B3GLCT: variants seen among roughly 807,000 people sequenced by gnomAD.
B3GLCT encodes beta 3-glucosyltransferase, also known as beta-1,3-glucosyltransferase.
A neutral mutation model predicts 63.4 loss-of-function variants in B3GLCT; 65 were observed. The ratio of observed to expected loss-of-function variants is 1.03; its 90% CI spans 0.84 to 1.26. The LOEUF (loss-of-function observed/expected upper bound fraction) is 1.26, where lower values mean the gene tolerates loss of function less well. Among genes scored for constraint, B3GLCT ranks in the 50% most tolerant of loss-of-function variants. The pLI, the probability that B3GLCT is intolerant of heterozygous loss-of-function variation, is 0.00. For synonymous variants in B3GLCT, 233 were observed against 219.2 expected (o/e 1.06, Z -0.55); for missense variants, 577 against 604.8 (o/e 0.95, Z 0.48).
intron 10 of B3GLCT, among the ~76,000 whole-genome samples, chr13:31,277,849 T>G (rs1417822648): frequency 1.3e-5 from 2 of 152,186 alleles, no homozygotes; most frequent in African/African-American, 4.8e-5. Flanking sequence ...CAAATCCTAT[T>G]AAATCAGTCT....
intron 1 of B3GLCT, among the ~76,000 whole-genome samples, chr13:31,204,359 C>T (rs1217381071): frequency 2.0e-5 from 3 of 152,178 alleles, no homozygotes; most frequent in Admixed American, 6.5e-5. Context: ...ACCCCACCAT[C>T]GAACAATTAA....
intron 8 of B3GLCT, among the ~76,000 whole-genome samples, chr13:31,272,377 G>A (rs752112440): frequency 3.3e-5 from 5 of 151,858 alleles, no homozygotes; most frequent in Non-Finnish European, 5.9e-5. Flanking sequence ...ACCATGCCCG[G>A]CTAATTTTTT....
At chr13:31,216,229 C>T (rs560542706) in intron 2 of B3GLCT, among the ~76,000 whole-genome samples, 21 of 152,224 alleles carry the variant, frequency 1.4e-4, no homozygotes, top group African/African-American at 3.9e-4. Flanking sequence ...TAATTTCTTA[C>T]GATTTTAGGA....
At chr13:31,320,978 A>G (rs750198424) in intron 13 of B3GLCT, among the ~76,000 whole-genome samples, 9 of 152,212 alleles carry the variant, frequency 5.9e-5, no homozygotes, top group African/African-American at 2.2e-4. Flanking sequence ...ATGTACTTTC[A>G]TAGCATATTA....
At position 31,264,319 on chromosome 13, in the gene B3GLCT, C is replaced by T. The variant is rs74591963; in HGVS notation, c.596+3237C>T. 5.7e-3 allele frequency among the ~76,000 whole-genome samples: 867 copies of T among 152,178 alleles called. 11 individuals are homozygous for T. Among genetic ancestry groups the T allele is most frequent in the African/African-American group, 0.02 (831 of 41,494 alleles). The stretch of plus-strand genomic sequence containing the variant: ...GCTCAGGAAATTCCCAGCACTTCCC[C>T]GTGACTCCAGTATGATAGAGGAGTG... On this transcript the variant is annotated intron_variant, in intron 7 of 14. Transcript: ENST00000343307.
At position 31,240,462 on chromosome 13, in the gene B3GLCT, C is replaced by T. The variant is rs536717320; in HGVS notation, c.271-6561C>T. Among the ~76,000 whole-genome samples, 20 of 118,342 alleles carry T rather than the reference C, an allele frequency of 1.7e-4. No individual in the cohort carries two copies. The East Asian group carries it at 4.1e-3, about 24-fold the overall frequency. The allele number at this position is 118,342 out of a possible 152,430, so 77.6% of individuals were successfully genotyped here. A position where few individuals can be genotyped will look rare whatever the true frequency, so the allele number is the denominator to read the frequency against. ...CTTGAAAAGAGTTAGGCCCTTGCCT[C>T]TTTAGTTTTTTTTTTCTTTTTTTTT... On this transcript the variant is annotated intron_variant, in intron 4 of 14. Coordinates refer to ENST00000343307, the MANE Select transcript of B3GLCT (RefSeq NM_194318.4).
At chr13:31,214,909 G>C in intron 1 of B3GLCT, 142 bp from the exon 2 acceptor site, 2 of 732,756 alleles carry the variant, frequency 2.7e-6, no homozygotes. Context: ...ATACAAGTTT[G>C]CAGCAATGCA....
At chr13:31,241,846 G>C (rs910910944) in intron 4 of B3GLCT, among the ~76,000 whole-genome samples, 4 of 152,274 alleles carry the variant, frequency 2.6e-5, no homozygotes, top group East Asian at 3.9e-4. Flanking sequence ...CAGCTAAGAT[G>C]ATGAGTTCAT....
At chr13:31,244,227 C>T (rs1219418871) in intron 4 of B3GLCT, among the ~76,000 whole-genome samples, 1 of 152,172 alleles carries the variant, frequency 6.6e-6, no homozygotes, top group Non-Finnish European at 1.5e-5. Context: ...CACGGTGGCT[C>T]ATGCCTGTAA....
chr13:31,282,068 CTAT>C lies in B3GLCT; in HGVS notation c.851-2573_851-2571del, dbSNP rs1488804470. Among the ~76,000 whole-genome samples the C allele has an allele frequency of 3.3e-5, 5 of 152,198 alleles. No homozygotes were observed. The Middle Eastern group carries it at 0.01, about 311-fold the overall frequency. On this transcript the variant is annotated intron_variant, in intron 10 of 14. Transcript: ENST00000343307. ...CAAACTTTCTTGAAAGAGGCATTCA[CTAT>C]TATTATAGGAAGTATACTTCTTTAT...
intron 12 of B3GLCT, among the ~76,000 whole-genome samples, chr13:31,315,662 A>G (rs1874960933): frequency 6.6e-6 from 1 of 152,264 alleles, no homozygotes; most frequent in African/African-American, 2.4e-5. Flanking sequence ...TTCTGGGGAG[A>G]AATTCAAGCC....
At chr13:31,306,463 A>AT (rs1874400329) in intron 12 of B3GLCT, among the ~76,000 whole-genome samples, 1 of 98,068 alleles carries the variant, frequency 1.0e-5, no homozygotes, top group Non-Finnish European at 2.0e-5. Context: ...CCTTAAGCTG[A>AT]TAAGCAACTT....
At chr13:31,225,775 G>A (rs964193294) in intron 3 of B3GLCT, among the ~76,000 whole-genome samples, 1 of 151,974 alleles carries the variant, frequency 6.6e-6, no homozygotes, top group East Asian at 1.9e-4. Flanking sequence ...CCCCATCTTC[G>A]GGACAGTGTC....
intron 8 of B3GLCT, 52 bp from the exon 9 acceptor site, chr13:31,274,457 A>G: frequency 6.2e-7 from 1 of 1,612,764 alleles, no homozygotes; most frequent in Non-Finnish European, 8.5e-7. Flanking sequence ...CCCTTCTTAT[A>G]CTTGTGTTGA....
chr13:31,246,951 C>CTTTTTTTTTTTTTTTTTCT (rs66466340), intron 4 of B3GLCT, 72 bp from the exon 5 acceptor site: 8 of 779,668 alleles, frequency 1.0e-5, no homozygotes, highest in African/African-American at 3.9e-5. Context: ...CTTTTCTTTT[C>CTTTTTTTTTTTTTTTTTCT]TTTTTTTTTT....
rs182707469 is a variant in B3GLCT at position 31,284,291 on chromosome 13, G to A, written c.851-357G>A. Among the ~76,000 whole-genome samples the A allele has an allele frequency of 3.3e-5, 5 of 152,232 alleles. No homozygotes were observed. In the East Asian group the frequency reaches 7.7e-4, roughly 24 times the overall value. On this transcript the variant is annotated intron_variant, in intron 10 of 14. Transcript: ENST00000343307. ...TTGCAAAGGTCTTCTCATGCTCCAC[G>A]GTAAGAGGGATGGATTTTCTCTTAC...
chr13:31,327,720 A>T (rs1021647341), intron 14 of B3GLCT, among the ~76,000 whole-genome samples: 4 of 152,236 alleles, frequency 2.6e-5, no homozygotes, highest in Non-Finnish European at 5.9e-5. Context: ...GAATTCCTTC[A>T]ACTAATATTC....
intron 14 of B3GLCT, among the ~76,000 whole-genome samples, chr13:31,326,088 C>T (rs1165710453): frequency 1.3e-5 from 2 of 151,954 alleles, no homozygotes; most frequent in African/African-American, 4.8e-5. Context: ...TGGAAATTTC[C>T]CGAAAAGTTT....
intron 1 of B3GLCT, among the ~76,000 whole-genome samples, chr13:31,208,114 C>G (rs1869056242): frequency 1.3e-5 from 2 of 152,074 alleles, no homozygotes; most frequent in African/African-American, 4.8e-5. Flanking sequence ...GTACACAGTA[C>G]AAAGTACTCT....
Sources: allele counts gnomAD v4.1 joint callset (sites outside exome capture counted in the v4.1 genomes callset), GRCh38; gene constraint gnomAD v4.1.1; transcripts MANE v1.5; gene names NCBI Gene and HGNC (gene_info 2026-07-23, HGNC 2026-07-21).